PHIP: variants seen among roughly 807,000 people sequenced by gnomAD.
The protein encoded by PHIP is PHIP subunit of CUL4-Ring ligase complex, also known as PH-interacting protein.
Under a neutral mutation model 236.8 loss-of-function variants are expected in PHIP, and 54 were observed. The ratio of observed to expected loss-of-function variants is 0.23; its 90% CI spans 0.18 to 0.29. The LOEUF (loss-of-function observed/expected upper bound fraction) is 0.29. Ranked by LOEUF, PHIP falls within the 10% of genes least tolerant of loss-of-function variation. The probability of loss-of-function intolerance (pLI) is 1.00; values close to 1 mark genes in which losing one functional copy is unlikely to be tolerated. For missense variants in PHIP, 1,370 were observed against 2,190.8 expected (o/e 0.63, Z 7.48); for synonymous variants, 756 against 718.9 (o/e 1.05, Z -0.83).
chr6:78,966,812 C>G (rs1767171523), intron 27 of PHIP, among the ~76,000 whole-genome samples: 1 of 152,176 alleles, frequency 6.6e-6, no homozygotes, highest in Admixed American at 6.5e-5. Flanking sequence ...TTTTCCTGTT[C>G]CTCAGCTATC....
chr6:79,038,141 T>G (rs904405807), intron 7 of PHIP, among the ~76,000 whole-genome samples: 5 of 152,246 alleles, frequency 3.3e-5, no homozygotes, highest in African/African-American at 1.2e-4. Context: ...ACAGAACATT[T>G]TTTGGTCTTA....
Position 79,078,125 on chromosome 6 carries a change from G to C in PHIP, c.-57C>G. On this transcript the variant is annotated 5_prime_UTR_variant, in exon 1 of 40. Coordinates refer to ENST00000275034, the MANE Select transcript of PHIP (RefSeq NM_017934.7). ...ACACCCCGCCGCCGAGGGGAAGCGGGGACGGTGCCGCCGCCTGCCCTATAG... is the reference window on the plus strand; with the variant it reads ...ACACCCCGCCGCCGAGGGGAAGCGGCGACGGTGCCGCCGCCTGCCCTATAG... The C allele has an allele frequency of 6.4e-7, 1 of 1,574,692 alleles. No individual in the cohort carries two copies. Among genetic ancestry groups the C allele is most frequent in the Non-Finnish European group, 8.7e-7 (1 of 1,151,202 alleles).
At chr6:79,017,263 A>G in intron 12 of PHIP, 83 bp downstream of exon 12, 1 of 819,242 alleles carries the variant, frequency 1.2e-6, no homozygotes, top group Non-Finnish European at 1.9e-6. Context: ...TATTTCCTAT[A>G]CAGCTTCAAA....
At chr6:79,017,431 C>T (rs1348148055) in intron 11 of PHIP, 45 bp from the exon 12 acceptor site, 2 of 1,582,334 alleles carry the variant, frequency 1.3e-6, no homozygotes, top group Non-Finnish European at 1.7e-6. Context: ...TGAATATAAA[C>T]TCTTGGACTC....
chr6:79,021,207 C>T (rs111731399), intron 9 of PHIP, among the ~76,000 whole-genome samples: 5 of 152,272 alleles, frequency 3.3e-5, no homozygotes, highest in East Asian at 3.9e-4. Flanking sequence ...AATGCAGTGA[C>T]GCTATCTCAG....
In PHIP at chr6:78,998,807, T is replaced by TA. The variant is rs569664078; in HGVS notation, c.1880-417dup. ...TGACACATCTGATTACCCATTTTCT[T>TA]AAAAAAAATGTTTACTGCCTCATTT... On this transcript the variant is annotated intron_variant, in intron 17 of 39. Transcript: ENST00000275034. Among the ~76,000 whole-genome samples the TA allele has an allele frequency of 8.0e-4, 121 of 152,048 alleles. 1 individual carries two copies. In the South Asian group the frequency reaches 8.1e-3, roughly 10 times the overall value.
At chr6:79,016,775 T>G in intron 12 of PHIP, 133 bp from the exon 13 acceptor site, 1 of 537,916 alleles carries the variant, frequency 1.9e-6, no homozygotes, top group Non-Finnish European at 3.3e-6. Context: ...CTTCTGAAAC[T>G]TTATGGGCTT....
intron 6 of PHIP, among the ~76,000 whole-genome samples, chr6:79,048,824 C>G (rs1044126838): frequency 8.5e-5 from 13 of 152,272 alleles, no homozygotes; most frequent in Admixed American, 7.9e-4. Flanking sequence ...CAGAGCCCTG[C>G]TGGCAGCCTA....
At chr6:79,048,680 T>G (rs974792777) in intron 6 of PHIP, among the ~76,000 whole-genome samples, 1 of 152,234 alleles carries the variant, frequency 6.6e-6, no homozygotes. Context: ...TTTTTGTTAT[T>G]ATTGTTTTCT....
At chr6:79,061,029 A>G (rs1213826386) in intron 4 of PHIP, among the ~76,000 whole-genome samples, 2 of 152,218 alleles carry the variant, frequency 1.3e-5, no homozygotes, top group Non-Finnish European at 2.9e-5. Flanking sequence ...GAATTTCATA[A>G]TTTACCAAAA....
At chr6:78,972,348 A>G (rs1250813865) in intron 24 of PHIP, among the ~76,000 whole-genome samples, 1 of 152,202 alleles carries the variant, frequency 6.6e-6, no homozygotes, top group African/African-American at 2.4e-5. Context: ...TAACAAACAG[A>G]AAGGACATCC....
intron 17 of PHIP, 69 bp downstream of exon 17, chr6:79,001,830 C>G: frequency 1.0e-6 from 1 of 979,540 alleles, no homozygotes; most frequent in Non-Finnish European, 1.6e-6. Context: ...CAAAGTTTTA[C>G]TCAATTAGCA....
intron 7 of PHIP, among the ~76,000 whole-genome samples, chr6:79,037,969 A>G (rs1189310919): frequency 6.6e-6 from 1 of 152,216 alleles, no homozygotes; most frequent in African/African-American, 2.4e-5. Flanking sequence ...ATGTATTAGA[A>G]GCACAAAGTT....
At chr6:79,019,272 C>T in intron 9 of PHIP, 113 bp from the exon 10 acceptor site, 1 of 710,456 alleles carries the variant, frequency 1.4e-6, no homozygotes, top group South Asian at 1.8e-5. Context: ...CAACAGATGG[C>T]TCCCTTCCTA....
At chr6:79,023,599 A>C (rs1046984137) in intron 9 of PHIP, among the ~76,000 whole-genome samples, 1 of 152,104 alleles carries the variant, frequency 6.6e-6, no homozygotes, top group Non-Finnish European at 1.5e-5. Context: ...ATAAATATCT[A>C]TGGTAAAATA....
chr6:78,974,391 A>G (rs528560232), intron 24 of PHIP, among the ~76,000 whole-genome samples: 33 of 152,028 alleles, frequency 2.2e-4, no homozygotes, highest in Admixed American at 1.9e-3. Context: ...GTAGAGGGAA[A>G]TTTATAGCAC....
chr6:78,991,083 GTTTTA>G (rs1769212140), intron 19 of PHIP, 98 bp from the exon 20 acceptor site: 4 of 693,214 alleles, frequency 5.8e-6, no homozygotes, highest in Non-Finnish European at 7.5e-6. Flanking sequence ...TACTCCTGAT[GTTTTA>G]TTTTAAGATG....
intron 24 of PHIP, among the ~76,000 whole-genome samples, chr6:78,978,131 T>A (rs1162109478): frequency 6.6e-6 from 1 of 152,086 alleles, no homozygotes; most frequent in Non-Finnish European, 1.5e-5. Context: ...TTAAATAGTA[T>A]TTCTTATTCT....
At position 79,019,168 on chromosome 6, in the gene PHIP, C is replaced by G; in HGVS notation, c.924-9G>C. ...ATTTTGCAGGTCTTGGGCTGTAATA[C>G]AAAAAATAAAGAATTAAAAATATCC... On this transcript the variant is annotated splice_polypyrimidine_tract_variant and intron_variant, in intron 9 of 39. Coordinates refer to ENST00000275034, the MANE Select transcript of PHIP (RefSeq NM_017934.7). 3 of 1,597,650 alleles carry G rather than the reference C, an allele frequency of 1.9e-6. No homozygotes were observed. The highest frequency in any genetic ancestry group is 2.6e-6 in the Non-Finnish European group (3 of 1,166,594).
Sources: gnomAD v4.1 joint callset for allele counts (sites outside exome capture counted in the v4.1 genomes callset) on GRCh38, gnomAD v4.1.1 for gene constraint, MANE v1.5 for transcripts, NCBI Gene and HGNC (gene_info 2026-07-23, HGNC 2026-07-21) for gene names.